The following PYGL variants were observed in gnomAD, a reference collection of about 807,000 sequenced individuals.
PYGL encodes glycogen phosphorylase, liver form.
Under a neutral mutation model 100.1 loss-of-function variants are expected in PYGL, and 90 were observed. The observed-to-expected ratio is 0.90, with a 90% CI of 0.76 to 1.07. PYGL has a LOEUF of 1.07. PYGL is among the 50% of genes least tolerant of loss of function. The pLI, the probability that PYGL is intolerant of heterozygous loss-of-function variation, is 0.00. For synonymous variants in PYGL, 373 were observed against 393.0 expected (o/e 0.95, Z 0.60); for missense variants, 1,016 against 1,057.6 (o/e 0.96, Z 0.55).
At position 50,909,828 on chromosome 14, in the gene PYGL, T is replaced by TCTGA; in HGVS notation, c.2177+63_2177+66dup. 2.6e-6 allele frequency: 4 copies of TCTGA among 1,563,954 alleles called. No individual in the cohort carries two copies. The South Asian group carries it at 4.5e-5, about 17-fold the overall frequency. On this transcript the variant is annotated intron_variant, in intron 17 of 19. Transcript: ENST00000216392. ...GGATATCGGTGTGGGCAGGAAGCCC[T>TCTGA]CTGAGGTCACATACCTTCTAGGGGG...
intron 1 of PYGL, among the ~76,000 whole-genome samples, chr14:50,939,080 G>C (rs1412605899): frequency 1.3e-5 from 2 of 151,666 alleles, no homozygotes; most frequent in Non-Finnish European, 2.9e-5. Flanking sequence ...TCCCTCTGTC[G>C]GCCAGGCTGG....
intron 4 of PYGL, among the ~76,000 whole-genome samples, chr14:50,929,713 T>G (rs2050586674): frequency 1.3e-5 from 2 of 152,222 alleles, no homozygotes; most frequent in Non-Finnish European, 2.9e-5. Flanking sequence ...GTTGTTTGGT[T>G]AGGTTGTGTC....
chr14:50,918,321 C>T (rs1295446692), intron 7 of PYGL, among the ~76,000 whole-genome samples: 1 of 152,178 alleles, frequency 6.6e-6, no homozygotes, highest in Admixed American at 6.5e-5. Context: ...ATCCAGCAAT[C>T]CCACTACTGG....
chr14:50,909,142 G>C (rs532238515), intron 17 of PYGL, among the ~76,000 whole-genome samples, 187 bp from the exon 18 acceptor site: 1 of 152,288 alleles, frequency 6.6e-6, no homozygotes, highest in African/African-American at 2.4e-5. Flanking sequence ...TTTTCTTCCT[G>C]TAAATTTGAT....
In PYGL at chr14:50,944,443, C is replaced by G. The variant is rs780111824; in HGVS notation, c.-40G>C. The G allele has an allele frequency of 3.2e-6, 5 of 1,565,552 alleles. No homozygotes were observed. The highest frequency in any genetic ancestry group is 1.1e-5 in the South Asian group (1 of 87,842). ...GCTGCGCGGCGGGCTGCGCAGAGAG[C>G]TGGAAGTGCGGCCGGAGGCGCTGGG... On this transcript the variant is annotated 5_prime_UTR_variant, in exon 1 of 20. Coordinates refer to ENST00000216392, the MANE Select transcript of PYGL (RefSeq NM_002863.5).
chr14:50,919,001 C>G (rs978297061), intron 7 of PYGL, among the ~76,000 whole-genome samples: 8 of 152,062 alleles, frequency 5.3e-5, no homozygotes, highest in African/African-American at 1.7e-4. Flanking sequence ...ATTGTAATTA[C>G]AGTATAAAAG....
Position 50,908,909 on chromosome 14 carries a change from CCAGCTT to C in PYGL, c.2218_2223del (p.Lys740_Leu741del), listed in dbSNP as rs777948962. 4 of 1,599,862 alleles carry C rather than the reference CCAGCTT, an allele frequency of 2.5e-6. No individual in the cohort carries two copies. Among genetic ancestry groups the C allele is most frequent in the Non-Finnish European group, 3.4e-6 (4 of 1,167,182 alleles). Reference sequence around the variant, plus strand: ...AAGCCATTGTCAATTTGATCAATGACCAGCTTCAGCTCTGGAAGTGCCTCATAGTAT... The same window carrying C: ...AAGCCATTGTCAATTTGATCAATGACCAGCTCTGGAAGTGCCTCATAGTAT... On this transcript the variant is annotated inframe_deletion, in exon 18 of 20. Transcript: ENST00000216392.
chr14:50,920,667 TGTTGTTGGA>T (rs761980468), intron 6 of PYGL, 44 bp from the exon 7 acceptor site: 13 of 1,548,922 alleles, frequency 8.4e-6, no homozygotes, highest in Admixed American at 1.7e-5. Context: ...AACCAGCCAT[TGTTGTTGGA>T]AACCTCTTGA....
chr14:50,940,348 T>C (rs2139200915), intron 1 of PYGL, among the ~76,000 whole-genome samples: 1 of 152,388 alleles, frequency 6.6e-6, no homozygotes, highest in East Asian at 1.9e-4. Context: ...TGTGAGGTTA[T>C]ACCCCCAGGA....
In PYGL at chr14:50,911,842, C is replaced by A. The variant is rs961229135; in HGVS notation, c.1857G>T (p.Met619Ile). ...KAAPGYHMAKMIIKLITSVAD... is the reference protein window; with the variant it reads ...KAAPGYHMAKIIIKLITSVAD... ...CCACTGAAGTGATCAGCTTTATGAT[C>A]ATTTTGGCCATGTGATATCCTGGGG... Residue 619 changes from methionine to isoleucine, a missense_variant, in exon 16 of 20, where the codon ATG becomes ATT. Coordinates refer to ENST00000216392, the MANE Select transcript of PYGL (RefSeq NM_002863.5). The A allele has an allele frequency of 2.8e-5, 45 of 1,611,198 alleles. No individual in the cohort carries two copies. The highest frequency in any genetic ancestry group is 3.7e-5 in the Non-Finnish European group (44 of 1,179,790).
chr14:50,919,568 G>A (rs1012439398), intron 7 of PYGL, among the ~76,000 whole-genome samples: 2 of 152,010 alleles, frequency 1.3e-5, no homozygotes, highest in Non-Finnish European at 2.9e-5. Context: ...AATCATTACA[G>A]CTTCATGAAA....
rs2050373953 is a variant in PYGL, at chr14:50,909,838, C to G, written c.2177+57G>C. Reference sequence around the variant, plus strand: ...GTGGGCAGGAAGCCCTCTGAGGTCACATACCTTCTAGGGGGGAGGGGCAGT... The same window carrying G: ...GTGGGCAGGAAGCCCTCTGAGGTCAGATACCTTCTAGGGGGGAGGGGCAGT... On this transcript the variant is annotated intron_variant, in intron 17 of 19. Coordinates refer to ENST00000216392, the MANE Select transcript of PYGL (RefSeq NM_002863.5). 4.4e-6 allele frequency: 7 copies of G among 1,590,542 alleles called. No individual in the cohort carries two copies. The South Asian group carries it at 7.7e-5, about 18-fold the overall frequency.
intron 1 of PYGL, among the ~76,000 whole-genome samples, chr14:50,938,744 A>C (rs923967781): frequency 1.3e-5 from 2 of 152,230 alleles, no homozygotes; most frequent in African/African-American, 4.8e-5. Context: ...GAAAAAAAGC[A>C]AACTCATCTA....
chr14:50,936,043 C>T (rs883699), intron 2 of PYGL, among the ~76,000 whole-genome samples: 74,416 of 152,000 alleles, frequency 0.49, 19,699 homozygotes, highest in African/African-American at 0.67. Context: ...CACTGGGCAC[C>T]CATGACAGAG....
intron 7 of PYGL, 120 bp from the exon 8 acceptor site, chr14:50,917,225 G>T (rs889412555): frequency 6.8e-6 from 8 of 1,180,566 alleles, no homozygotes; most frequent in Non-Finnish European, 9.9e-6. Context: ...GCTGAGGGGT[G>T]GTGGTTTGAA....
intron 13 of PYGL, among the ~76,000 whole-genome samples, chr14:50,912,810 C>A (rs1000740925): frequency 6.6e-6 from 1 of 152,098 alleles, no homozygotes; most frequent in African/African-American, 2.4e-5. Flanking sequence ...AAAAATTAGC[C>A]GGGCGTGGTG....
intron 1 of PYGL, 52 bp from the exon 2 acceptor site, chr14:50,937,889 T>A: frequency 1.3e-6 from 2 of 1,491,816 alleles, no homozygotes; most frequent in African/African-American, 1.4e-5. Flanking sequence ...CAACCTCACT[T>A]AACATAAAAA....
At chr14:50,915,224 T>C (rs2050435081) in intron 11 of PYGL, 112 bp downstream of exon 11, 8 of 1,326,076 alleles carry the variant, frequency 6.0e-6, no homozygotes, top group Middle Eastern at 2.4e-4. Flanking sequence ...GAAAATACTT[T>C]TAAACATTTG....
At chr14:50,937,285 A>G (rs2050661740) in intron 2 of PYGL, among the ~76,000 whole-genome samples, 1 of 152,244 alleles carries the variant, frequency 6.6e-6, no homozygotes, top group Non-Finnish European at 1.5e-5. Flanking sequence ...CTCATTAAGC[A>G]ACAGAGAAAG....
Sources: gnomAD v4.1 joint callset for allele counts (sites outside exome capture counted in the v4.1 genomes callset) on GRCh38, gnomAD v4.1.1 for gene constraint, MANE v1.5 for transcripts, NCBI Gene and HGNC (gene_info 2026-07-23, HGNC 2026-07-21) for gene names.